The following PDE1A variants were observed in gnomAD, a reference collection of about 807,000 sequenced individuals.
PDE1A encodes the protein dual specificity calcium/calmodulin-dependent 3',5'-cyclic nucleotide phosphodiesterase 1A.
Under a neutral mutation model 61.7 loss-of-function variants are expected in PDE1A, and 35 were observed. The observed-to-expected ratio is 0.57, with a 90% CI of 0.43 to 0.75. The LOEUF (loss-of-function observed/expected upper bound fraction) is 0.75. Among genes scored for constraint, PDE1A ranks in the 30% least tolerant of loss-of-function variants. The pLI is 0.00. For synonymous variants in PDE1A, 232 were observed against 213.2 expected (o/e 1.09, Z -0.77); for missense variants, 597 against 630.6 (o/e 0.95, Z 0.57).
At chr2:182,218,922 A>C (rs986384349) in intron 7 of PDE1A, among the ~76,000 whole-genome samples, 8 of 152,194 alleles carry the variant, frequency 5.3e-5, no homozygotes, top group Non-Finnish European at 1.2e-4. Flanking sequence ...AATACTCTAG[A>C]TATATCAAAG....
At chr2:182,495,201 T>C (rs755634718) in intron 2 of PDE1A, among the ~76,000 whole-genome samples, 9 of 152,190 alleles carry the variant, frequency 5.9e-5, no homozygotes, top group Non-Finnish European at 1.2e-4. Context: ...GCAGCTCCAG[T>C]CACAGTCTCT....
chr2:182,519,807 A>C (rs1690452268), intron 2 of PDE1A, among the ~76,000 whole-genome samples: 1 of 151,906 alleles, frequency 6.6e-6, no homozygotes, highest in African/African-American at 2.4e-5. Flanking sequence ...ATAATTGAAT[A>C]AACATTATTT....
At chr2:182,640,572 T>C in the PDE1A span, among the ~76,000 whole-genome samples, 1 of 152,062 alleles carries the variant, frequency 6.6e-6, no homozygotes, top group Non-Finnish European at 1.5e-5. Context: ...TTTTCTAATA[T>C]CAAATGGTGG....
chr2:182,374,036 A>C (rs1270054751), intron 1 of PDE1A, among the ~76,000 whole-genome samples: 1 of 152,228 alleles, frequency 6.6e-6, no homozygotes. Context: ...ATTTTTACCA[A>C]GTATTTGGTG....
At chr2:182,418,019 T>C (rs368910077) in intron 1 of PDE1A, among the ~76,000 whole-genome samples, 1 of 152,154 alleles carries the variant, frequency 6.6e-6, no homozygotes, top group African/African-American at 2.4e-5. Flanking sequence ...TTATCATAAA[T>C]CTATCCCATA....
chr2:182,364,406 A>ATT (rs1242138204), intron 1 of PDE1A, among the ~76,000 whole-genome samples: 1 of 132,356 alleles, frequency 7.6e-6, no homozygotes, highest in Admixed American at 8.8e-5. Context: ...AACTCTATCA[A>ATT]TTTTAGTTTA....
At chr2:182,423,377 A>G (rs1450005866) in intron 1 of PDE1A, among the ~76,000 whole-genome samples, 1 of 152,166 alleles carries the variant, frequency 6.6e-6, no homozygotes, top group Admixed American at 6.6e-5. Flanking sequence ...TCTTAGAGGC[A>G]GGATCTAAAT....
intron 1 of PDE1A, among the ~76,000 whole-genome samples, chr2:182,425,901 G>A (rs1482174317): frequency 6.6e-6 from 1 of 152,112 alleles, no homozygotes; most frequent in Admixed American, 6.6e-5. Flanking sequence ...AAATTCTAAA[G>A]TACATAATAG....
chr2:182,177,646 C>G (rs190011856), intron 13 of PDE1A, among the ~76,000 whole-genome samples: 1 of 152,158 alleles, frequency 6.6e-6, no homozygotes, highest in African/African-American at 2.4e-5. Context: ...CGGTACCATG[C>G]TATTTTGGTT....
At chr2:182,156,506 C>T (rs182349124) in intron 13 of PDE1A, among the ~76,000 whole-genome samples, 3 of 152,062 alleles carry the variant, frequency 2.0e-5, no homozygotes, top group South Asian at 2.1e-4. Context: ...TTGGAAAGGG[C>T]GGGAGCATTC....
At chr2:182,504,802 T>G (rs966348468) in intron 2 of PDE1A, among the ~76,000 whole-genome samples, 3 of 152,234 alleles carry the variant, frequency 2.0e-5, no homozygotes, top group Non-Finnish European at 4.4e-5. Context: ...AGCTTCAAAA[T>G]GGTGACTATT....
intron 7 of PDE1A, among the ~76,000 whole-genome samples, chr2:182,211,399 A>G (rs535446940): frequency 2.6e-5 from 4 of 152,180 alleles, no homozygotes; most frequent in Non-Finnish European, 4.4e-5. Context: ...TATCAATACT[A>G]CACTGTCTTG....
chr2:182,239,332 A>G (rs1690314933), intron 3 of PDE1A, among the ~76,000 whole-genome samples: 1 of 152,192 alleles, frequency 6.6e-6, no homozygotes, highest in Non-Finnish European at 1.5e-5. Flanking sequence ...ATCATTCCAC[A>G]TATAATTTCA....
the PDE1A span, among the ~76,000 whole-genome samples, chr2:182,645,274 C>CTG: frequency 3.9e-5 from 3 of 76,762 alleles, no homozygotes; most frequent in Non-Finnish European, 5.8e-5. Flanking sequence ...GCGTGAGCCA[C>CTG]CGCCTCTTCT....
At chr2:182,704,220 A>AAC in the PDE1A span, among the ~76,000 whole-genome samples, 47 of 150,526 alleles carry the variant, frequency 3.1e-4, no homozygotes, top group Middle Eastern at 3.5e-3. Flanking sequence ...GGAAAAAAAA[A>AAC]AAAAACAAAA....
At chr2:182,462,270 G>A (rs35809203) in intron 2 of PDE1A, among the ~76,000 whole-genome samples, 27,462 of 151,598 alleles carry the variant, frequency 0.18, 3,031 homozygotes, top group Middle Eastern at 0.33. Flanking sequence ...AAACCTGCAC[G>A]TTGTGCACAT....
the PDE1A span, among the ~76,000 whole-genome samples, chr2:182,567,803 T>C: frequency 2.0e-5 from 3 of 150,776 alleles, no homozygotes; most frequent in Non-Finnish European, 4.4e-5. Flanking sequence ...TTTTTCTTTT[T>C]TTTTTTTGAG....
chr2:182,562,007 G>A, the PDE1A span, among the ~76,000 whole-genome samples: 30 of 151,498 alleles, frequency 2.0e-4, no homozygotes, highest in Non-Finnish European at 3.4e-4. Flanking sequence ...TGCAAACAGG[G>A]ACAATTTGAC....
intron 2 of PDE1A, among the ~76,000 whole-genome samples, chr2:182,460,968 G>A (rs974619724): frequency 6.6e-6 from 1 of 152,158 alleles, no homozygotes; most frequent in Non-Finnish European, 1.5e-5. Flanking sequence ...GGCTAAGAGG[G>A]AAGAGAATTC....
Sources: allele counts gnomAD v4.1 joint callset (sites outside exome capture counted in the v4.1 genomes callset), GRCh38; gene constraint gnomAD v4.1.1; transcripts MANE v1.5; gene names NCBI Gene and HGNC (gene_info 2026-07-23, HGNC 2026-07-21).